PPP1R8: variants seen among roughly 807,000 people sequenced by gnomAD.
PPP1R8 encodes the protein protein phosphatase 1 regulatory subunit 8, also known as nuclear inhibitor of protein phosphatase 1.
A neutral mutation model predicts 31.3 loss-of-function variants in PPP1R8; 4 were observed. The ratio of observed to expected loss-of-function variants is 0.13; its 90% CI spans 0.06 to 0.29. PPP1R8 has a LOEUF of 0.29. Ranked by LOEUF, PPP1R8 falls within the 10% of genes least tolerant of loss-of-function variation. The pLI is 1.00. For missense variants in PPP1R8, 254 were observed against 440.1 expected, an observed-to-expected ratio of 0.58 and a Z score of 3.78; for synonymous variants, 170 against 169.7, an observed-to-expected ratio of 1.00 and a Z score of -0.01.
intron 1 of PPP1R8, chr1:27,831,396 A>AT (rs2148613048): frequency 2.9e-5 from 28 of 981,214 alleles, no homozygotes; most frequent in Non-Finnish European, 3.4e-5. Flanking sequence ...GCCCTCAGGG[A>AT]GCTCCCAGTC....
At chr1:27,838,903 A>G (rs1436157169) in intron 3 of PPP1R8, 51 bp downstream of exon 3, 1 of 1,404,382 alleles carries the variant, frequency 7.1e-7, no homozygotes, top group Admixed American at 2.5e-5. Context: ...ATATGAAAAT[A>G]CTCTTTGGGT....
chr1:27,839,661 C>G (rs556630220), intron 3 of PPP1R8, among the ~76,000 whole-genome samples: 1 of 152,318 alleles, frequency 6.6e-6, no homozygotes, highest in Non-Finnish European at 1.5e-5. Flanking sequence ...AATAGAGCAG[C>G]AACATAGGGC....
chr1:27,850,453 T>TG lies in PPP1R8; in HGVS notation c.*9dup. 1.0e-6 allele frequency: 1 copy of TG among 999,754 alleles called. No homozygotes were observed. The highest frequency in any genetic ancestry group is 1.3e-5 in the South Asian group (1 of 74,480). The allele number at this position is 999,754 out of a possible 1,614,324, so 61.9% of individuals were successfully genotyped here. On this transcript the variant is annotated 3_prime_UTR_variant, in exon 7 of 7. Coordinates refer to ENST00000311772, the MANE Select transcript of PPP1R8 (RefSeq NM_014110.5). ...ACCTTCCTTGCTGATTTGATATTTT[T>TG]GGTCATGGAGAAGGGTGGGATTGGG...
Position 27,831,145 on chromosome 1 carries a change from T to A in PPP1R8, c.56+254T>A, listed in dbSNP as rs911444511. 8.7e-6 allele frequency: 11 copies of A among 1,262,638 alleles called. No individual in the cohort carries two copies. In the African/African-American group the frequency reaches 1.6e-4, roughly 18 times the overall value. The allele number at this position is 1,262,638 out of a possible 1,614,324, so 78.2% of individuals were successfully genotyped here. A position where few individuals can be genotyped will look rare whatever the true frequency, so the allele number is the denominator to read the frequency against. ...CACTTAGGCAGCCCCTTTGAGCGAT[T>A]AGCCAGTCGCCGGAGCGCTTCGAGG... On this transcript the variant is annotated intron_variant, in intron 1 of 6. Coordinates refer to ENST00000311772, the MANE Select transcript of PPP1R8 (RefSeq NM_014110.5).
intron 5 of PPP1R8, among the ~76,000 whole-genome samples, chr1:27,845,983 A>C (rs1366260761): frequency 6.6e-6 from 1 of 151,002 alleles, no homozygotes; most frequent in Non-Finnish European, 1.5e-5. Flanking sequence ...GTAGAGACGG[A>C]GTTTCACCAT....
At position 27,830,905 on chromosome 1, in the gene PPP1R8, C is replaced by T. The variant is rs1444844465; in HGVS notation, c.56+14C>T. 9 of 1,560,708 alleles carry T rather than the reference C, an allele frequency of 5.8e-6. No homozygotes were observed. The South Asian group carries it at 8.3e-5, about 14-fold the overall frequency. On this transcript the variant is annotated intron_variant, in intron 1 of 6. Transcript: ENST00000311772. Reference sequence around the variant, plus strand: ...CTGCCCAACCTGGTGAGTGGCGGGGCGGCCAGGGCTAGAGTGGCCCGGCCG... The same window carrying T: ...CTGCCCAACCTGGTGAGTGGCGGGGTGGCCAGGGCTAGAGTGGCCCGGCCG...
chr1:27,849,371 CAAA>C (rs544902286), intron 6 of PPP1R8, among the ~76,000 whole-genome samples: 51 of 77,440 alleles, frequency 6.6e-4, no homozygotes, highest in African/African-American at 1.7e-3. Context: ...AACTCTGTCT[CAAA>C]AAAAAAAAAA....
chr1:27,836,209 C>G (rs1019202053), intron 2 of PPP1R8, among the ~76,000 whole-genome samples: 1 of 152,142 alleles, frequency 6.6e-6, no homozygotes, highest in African/African-American at 2.4e-5. Flanking sequence ...AAAGGAAAAA[C>G]ACAACATACC....
chr1:27,836,111 A>G (rs948290152), intron 2 of PPP1R8, among the ~76,000 whole-genome samples: 3 of 152,166 alleles, frequency 2.0e-5, no homozygotes, highest in East Asian at 1.9e-4. Flanking sequence ...ACTTGACTAT[A>G]CTCTACTCAG....
At chr1:27,831,489 A>T in intron 1 of PPP1R8, 1 of 453,734 alleles carries the variant, frequency 2.2e-6, no homozygotes, top group Non-Finnish European at 2.9e-6. Flanking sequence ...GAAATAATTT[A>T]ATTTGGTCTT....
chr1:27,843,105 C>G, intron 4 of PPP1R8, 81 bp from the exon 5 acceptor site: 3 of 1,553,890 alleles, frequency 1.9e-6, no homozygotes, highest in Non-Finnish European at 2.6e-6. Context: ...TCATGCCTTC[C>G]TCACCTTTAT....
intron 2 of PPP1R8, among the ~76,000 whole-genome samples, chr1:27,834,226 C>CT (rs1252883891): frequency 2.6e-5 from 4 of 152,296 alleles, no homozygotes; most frequent in South Asian, 2.1e-4. Flanking sequence ...TCAAAACACT[C>CT]TAACTTGCCA....
intron 2 of PPP1R8, among the ~76,000 whole-genome samples, chr1:27,833,826 T>C (rs866139579): frequency 1.2e-4 from 19 of 152,302 alleles, no homozygotes; most frequent in Admixed American, 1.3e-4. Flanking sequence ...TGTTGTCACT[T>C]TTGAGATGTT....
At chr1:27,842,985 T>A (rs2089237729) in intron 4 of PPP1R8, among the ~76,000 whole-genome samples, 1 of 152,244 alleles carries the variant, frequency 6.6e-6, no homozygotes, top group African/African-American at 2.4e-5. Flanking sequence ...ATGTTCCACA[T>A]TCTTTCTAAT....
At chr1:27,838,375 A>C (rs927209805) in intron 2 of PPP1R8, among the ~76,000 whole-genome samples, 7 of 152,180 alleles carry the variant, frequency 4.6e-5, no homozygotes, top group Admixed American at 4.6e-4. Context: ...GTGAGACTCC[A>C]TCTCAGAAAC....
rs779377294 is a variant in PPP1R8, at chr1:27,838,776, G to A, written c.195G>A (p.Gln65=). 21 of 1,612,958 alleles carry A rather than the reference G, an allele frequency of 1.3e-5. No individual in the cohort carries two copies. Among genetic ancestry groups the A allele is most frequent in the Non-Finnish European group, 1.7e-5 (20 of 1,179,358 alleles). The change falls in exon 3 of 7, where the codon CAG becomes CAA. Residue 65 remains glutamine (Q), a synonymous_variant. Coordinates refer to ENST00000311772, the MANE Select transcript of PPP1R8 (RefSeq NM_014110.5). ...PDLCDFTIDH[Q]SCSRVHAALV... ...TGTGTGACTTTACCATTGACCACCA[G>A]TCTTGCTCTCGGGTCCATGCTGCAC...
chr1:27,838,590 A>G, intron 2 of PPP1R8, 109 bp from the exon 3 acceptor site: 1 of 634,618 alleles, frequency 1.6e-6, no homozygotes, highest in Non-Finnish European at 2.4e-6. Flanking sequence ...GTTTTTACTC[A>G]ATCTAATGGA....
At chr1:27,849,950 T>G (rs1571558845) in intron 6 of PPP1R8, 143 bp from the exon 7 acceptor site, 1 of 717,234 alleles carries the variant, frequency 1.4e-6, no homozygotes, top group East Asian at 2.5e-5. Flanking sequence ...ATAGGTTGTC[T>G]GGAAAGGAGA....
At chr1:27,848,738 T>G (rs1300764351) in intron 6 of PPP1R8, among the ~76,000 whole-genome samples, 1 of 152,176 alleles carries the variant, frequency 6.6e-6, no homozygotes, top group Non-Finnish European at 1.5e-5. Flanking sequence ...TATGGAAAAG[T>G]AGATGTTTTT....
Sources: gnomAD v4.1 joint callset for allele counts (sites outside exome capture counted in the v4.1 genomes callset) on GRCh38, gnomAD v4.1.1 for gene constraint, MANE v1.5 for transcripts, NCBI Gene and HGNC (gene_info 2026-07-23, HGNC 2026-07-21) for gene names.